DTNA: variants seen among roughly 807,000 people sequenced by gnomAD.
The protein encoded by DTNA is dystrophin-related protein 3.
DTNA carries 43 observed loss-of-function variants against 100.7 expected under a neutral mutation model. The observed-to-expected ratio is 0.43, with a 90% CI of 0.33 to 0.55. DTNA has a LOEUF of 0.55. Among genes scored for constraint, DTNA ranks in the 20% least tolerant of loss-of-function variants. The pLI is 0.04. For missense variants in DTNA, 798 were observed against 953.9 expected (o/e 0.84, Z 2.15); for synonymous variants, 349 against 347.9 (o/e 1.00, Z -0.04).
intron 1 of DTNA, among the ~76,000 whole-genome samples, chr18:34,719,678 C>T (rs568463923): frequency 2.0e-4 from 30 of 152,080 alleles, no homozygotes; most frequent in African/African-American, 4.6e-4. Flanking sequence ...GAAGACTTTC[C>T]GGTATTTATG....
chr18:34,631,575 A>C (rs1278134615), intron 1 of DTNA, among the ~76,000 whole-genome samples: 1 of 152,240 alleles, frequency 6.6e-6, no homozygotes, highest in East Asian at 1.9e-4. Context: ...TTTAAGAAGC[A>C]AAGTGATTAA....
intron 1 of DTNA, among the ~76,000 whole-genome samples, chr18:34,748,274 G>A (rs1272792984): frequency 1.3e-5 from 2 of 152,104 alleles, no homozygotes; most frequent in African/African-American, 4.8e-5. Context: ...TTATTCTGCT[G>A]ATTATTTCTT....
At chr18:34,706,924 T>C (rs1439213344), upstream of DTNA, among the ~76,000 whole-genome samples, 1 of 152,204 alleles carries the variant, frequency 6.6e-6, no homozygotes, top group African/African-American at 2.4e-5. Flanking sequence ...TCACAATCTT[T>C]TTTTGTTGCT....
intron 1 of DTNA, among the ~76,000 whole-genome samples, chr18:34,741,988 A>G (rs1267198003): frequency 6.6e-6 from 1 of 152,158 alleles, no homozygotes; most frequent in Non-Finnish European, 1.5e-5. Flanking sequence ...AATGAGGATA[A>G]TAACACCAAC....
Position 34,610,243 on chromosome 18 carries a change from A to C in DTNA, c.-2+116729A>C, listed in dbSNP as rs183283563. On this transcript the variant is annotated intron_variant, in intron 1 of 19. Coordinates refer to the DTNA transcript ENST00000283365. ...TGAGGAGACTTCTATAGGCTAAGGA[A>C]GATTTCACCTGTGAGGCTGTGTTTA... is the stretch of plus-strand genomic sequence containing the variant. 3.0e-4 allele frequency among the ~76,000 whole-genome samples: 46 copies of C among 152,310 alleles called. No individual in the cohort carries two copies. The East Asian group carries it at 8.3e-3, about 27-fold the overall frequency.
chr18:34,890,426 T>G lies in DTNA; in HGVS notation c.*2692T>G. ...TTCCTTGGCTCTCCAGATTTACTTT[T>G]GGGGCCTGTTCTAAGTGCAAACCCA... On this transcript the variant is annotated 3_prime_UTR_variant, in exon 23 of 23. Coordinates refer to ENST00000444659, the MANE Select transcript of DTNA (RefSeq NM_001386795.1). 6.5e-7 allele frequency: 1 copy of G among 1,536,150 alleles called. No individual in the cohort carries two copies. The highest frequency in any genetic ancestry group is 8.7e-7 in the Non-Finnish European group (1 of 1,146,908).
intron 1 of DTNA, among the ~76,000 whole-genome samples, chr18:34,614,929 G>C (rs2147665322): frequency 6.6e-6 from 1 of 152,304 alleles, no homozygotes; most frequent in Non-Finnish European, 1.5e-5. Context: ...CTATAAAACA[G>C]CATTTCACAG....
intron 1 of DTNA, among the ~76,000 whole-genome samples, chr18:34,614,179 T>C (rs1568022782): frequency 1.3e-5 from 2 of 152,238 alleles, no homozygotes; most frequent in Admixed American, 1.3e-4. Context: ...GTTTCCTGAA[T>C]TTTTAAAAAT....
intron 1 of DTNA, among the ~76,000 whole-genome samples, chr18:34,534,218 G>A (rs1186903592): frequency 3.3e-5 from 5 of 151,952 alleles, no homozygotes; most frequent in African/African-American, 1.2e-4. Flanking sequence ...GCATGGTGGT[G>A]CACTCCTGTA....
intron 3 of DTNA, among the ~76,000 whole-genome samples, chr18:34,777,100 C>CTAAAG (rs1397835397): frequency 6.6e-6 from 1 of 152,188 alleles, no homozygotes; most frequent in Non-Finnish European, 1.5e-5. Context: ...TGTATTTTTC[C>CTAAAG]TAAAGTATTT....
intron 21 of DTNA, among the ~76,000 whole-genome samples, 199 bp from the exon 22 acceptor site, chr18:34,884,529 G>T (rs1351364359): frequency 2.2e-5 from 3 of 133,398 alleles, no homozygotes; most frequent in African/African-American, 1.1e-4. Flanking sequence ...ATACTCCCTG[G>T]AGGAGATGTC....
chr18:34,528,423 T>G (rs2510193), intron 1 of DTNA, among the ~76,000 whole-genome samples: 135,714 of 151,800 alleles, frequency 0.89, 60,728 homozygotes, highest in East Asian at 0.93. Context: ...CATGGGAATT[T>G]CAGTAAAAAG....
intron 1 of DTNA, among the ~76,000 whole-genome samples, chr18:34,715,029 G>C (rs1172902029): frequency 1.3e-5 from 2 of 148,926 alleles, no homozygotes; most frequent in Non-Finnish European, 3.0e-5. Context: ...GACACAGGAA[G>C]GGGAATATCA....
chr18:34,683,459 G>A (rs921390401), intron 1 of DTNA: 1 of 152,088 alleles, frequency 6.6e-6, no homozygotes, highest in African/African-American at 2.4e-5. Flanking sequence ...ATGTAGTCAT[G>A]TTCCTTTTCA....
chr18:34,587,753 T>C (rs1193733293), intron 1 of DTNA, among the ~76,000 whole-genome samples: 1 of 152,138 alleles, frequency 6.6e-6, no homozygotes, highest in Non-Finnish European at 1.5e-5. Context: ...GCCAAACACT[T>C]TCTAATTATT....
intron 17 of DTNA, among the ~76,000 whole-genome samples, chr18:34,869,247 A>C (rs1043168351): frequency 6.6e-6 from 1 of 152,224 alleles, no homozygotes; most frequent in African/African-American, 2.4e-5. Context: ...GTATGTATAT[A>C]GGTATACATA....
chr18:34,879,496 A>T, intron 19 of DTNA, 55 bp from the exon 20 acceptor site: 1 of 1,581,874 alleles, frequency 6.3e-7, no homozygotes, highest in Non-Finnish European at 8.7e-7. Flanking sequence ...CTTTATTTGC[A>T]GGTCATAAAA....
Position 34,568,672 on chromosome 18 carries a change from G to A in DTNA, c.-2+75158G>A, listed in dbSNP as rs576512425. Among the ~76,000 whole-genome samples, 35 of 151,828 alleles carry A rather than the reference G, an allele frequency of 2.3e-4. No homozygotes were observed. In the South Asian group the frequency reaches 4.4e-3, roughly 19 times the overall value. ...AGAGTTTCTCTCTGTCACCCAAGCCGGAGTGCAGTGGCACGATCTTGGCTC... is the reference window on the plus strand; with the variant it reads ...AGAGTTTCTCTCTGTCACCCAAGCCAGAGTGCAGTGGCACGATCTTGGCTC... On this transcript the variant is annotated intron_variant, in intron 1 of 19. Transcript: ENST00000283365.
chr18:34,503,710 T>A (rs1238673062), intron 1 of DTNA, among the ~76,000 whole-genome samples: 1 of 151,084 alleles, frequency 6.6e-6, no homozygotes, highest in Non-Finnish European at 1.5e-5. Flanking sequence ...TTTTTGTTTG[T>A]TATCTCTATT....
Sources: gnomAD v4.1 joint callset for allele counts (sites outside exome capture counted in the v4.1 genomes callset) on GRCh38, gnomAD v4.1.1 for gene constraint, MANE v1.5 for transcripts, NCBI Gene and HGNC (gene_info 2026-07-23, HGNC 2026-07-21) for gene names.